NDST4: variants seen among roughly 807,000 people sequenced by gnomAD.
The protein encoded by NDST4 is N-heparan sulfate sulfotransferase 4.
Under a neutral mutation model 100.8 loss-of-function variants are expected in NDST4, and 63 were observed. That is an observed-to-expected ratio of 0.62 (90% CI 0.51 to 0.77). The LOEUF is 0.77. Ranked by LOEUF, NDST4 falls within the 30% of genes least tolerant of loss-of-function variation. NDST4 has a pLI of 0.00. For missense variants in NDST4, 943 were observed against 1,018.4 expected, an observed-to-expected ratio of 0.93 and a Z score of 1.01; for synonymous variants, 377 against 361.8, an observed-to-expected ratio of 1.04 and a Z score of -0.48.
intron 6 of NDST4, among the ~76,000 whole-genome samples, chr4:114,932,953 C>T (rs1213063278): frequency 6.6e-6 from 1 of 151,988 alleles, no homozygotes; most frequent in Non-Finnish European, 1.5e-5. Context: ...GACTTTTTCA[C>T]AGAAATATAA....
intron 11 of NDST4, among the ~76,000 whole-genome samples, chr4:114,834,866 A>G (rs1723277573): frequency 6.6e-6 from 1 of 152,026 alleles, no homozygotes; most frequent in South Asian, 2.1e-4. Context: ...TAATTTATCC[A>G]TTTCTTCTAG....
intron 2 of NDST4, among the ~76,000 whole-genome samples, chr4:115,009,816 A>G (rs1332708830): frequency 2.8e-5 from 2 of 70,368 alleles, no homozygotes; most frequent in South Asian, 6.8e-4. Context: ...CAGAATCTAC[A>G]ATGAACGCAA....
rs150311640 is a variant in NDST4 at position 114,989,141 on chromosome 4, A to G, written c.979-11867T>C. On this transcript the variant is annotated intron_variant, in intron 2 of 13. Transcript: ENST00000264363. ...TAATCTAATAAACACCTGCTAGTCT[A>G]CCAAGTGATTTTCTGTAGATGAAGG... 2.3e-4 allele frequency among the ~76,000 whole-genome samples: 35 copies of G among 152,330 alleles called. No homozygotes were observed. In the East Asian group the frequency reaches 3.5e-3, roughly 15 times the overall value.
chr4:115,038,920 C>T (rs746079110), intron 2 of NDST4, among the ~76,000 whole-genome samples: 9 of 152,038 alleles, frequency 5.9e-5, no homozygotes, highest in East Asian at 1.9e-4. Context: ...GTCAAGGCCA[C>T]GGTGAGCTGT....
At chr4:114,861,283 C>A (rs1723912501) in intron 7 of NDST4, among the ~76,000 whole-genome samples, 1 of 152,146 alleles carries the variant, frequency 6.6e-6, no homozygotes, top group South Asian at 2.1e-4. Context: ...AGCAATTTTC[C>A]TAAATTATCT....
chr4:115,015,852 G>T (rs1182085837), intron 2 of NDST4, among the ~76,000 whole-genome samples: 1 of 151,992 alleles, frequency 6.6e-6, no homozygotes, highest in Non-Finnish European at 1.5e-5. Flanking sequence ...TGCACAGTCT[G>T]CCAGAAGCAG....
intron 2 of NDST4, among the ~76,000 whole-genome samples, chr4:115,069,467 A>T (rs1729024899): frequency 6.6e-6 from 1 of 152,224 alleles, no homozygotes; most frequent in Non-Finnish European, 1.5e-5. Flanking sequence ...GAAAAAAACA[A>T]ACAACCCATT....
At chr4:114,837,685 A>G (rs2126182458) in intron 11 of NDST4, among the ~76,000 whole-genome samples, 1 of 152,360 alleles carries the variant, frequency 6.6e-6, no homozygotes, top group Non-Finnish European at 1.5e-5. Flanking sequence ...CTCAAGATGG[A>G]TTAAAGATTT....
At chr4:114,927,160 T>C (rs1725402096) in intron 6 of NDST4, among the ~76,000 whole-genome samples, 1 of 152,024 alleles carries the variant, frequency 6.6e-6, no homozygotes, top group Non-Finnish European at 1.5e-5. Flanking sequence ...TCCGATCTTA[T>C]AATTATAGAT....
At chr4:115,073,866 T>C (rs1050240762) in intron 2 of NDST4, among the ~76,000 whole-genome samples, 3 of 151,974 alleles carry the variant, frequency 2.0e-5, no homozygotes, top group Non-Finnish European at 4.4e-5. Flanking sequence ...TATCTAAACA[T>C]TTCATTATTT....
Position 115,036,023 on chromosome 4 carries a change from T to A in NDST4, c.978+40036A>T, listed in dbSNP as rs78766565. ...GGGACTCTAAGCTTTTGAGTACTTATCTTTGGAAATAAAAATTCAAATGAA... is the reference window on the plus strand; with the variant it reads ...GGGACTCTAAGCTTTTGAGTACTTAACTTTGGAAATAAAAATTCAAATGAA... On this transcript the variant is annotated intron_variant, in intron 2 of 13. Coordinates refer to ENST00000264363, the MANE Select transcript of NDST4 (RefSeq NM_022569.3). Among the ~76,000 whole-genome samples the A allele has an allele frequency of 3.9e-5, 6 of 152,132 alleles. No homozygotes were observed. In the East Asian group the frequency reaches 1.2e-3, roughly 29 times the overall value.
At chr4:114,906,935 ACT>A (rs971032883) in intron 6 of NDST4, among the ~76,000 whole-genome samples, 12 of 151,980 alleles carry the variant, frequency 7.9e-5, no homozygotes, top group African/African-American at 2.4e-4. Flanking sequence ...AAAAGCAATA[ACT>A]CTATGTTCTT....
chr4:115,104,716 AAT>A (rs1729802758), intron 1 of NDST4, among the ~76,000 whole-genome samples: 2 of 152,230 alleles, frequency 1.3e-5, no homozygotes, highest in South Asian at 4.1e-4. Context: ...AGTTAGATTC[AAT>A]GTTATTAATA....
intron 1 of NDST4, among the ~76,000 whole-genome samples, chr4:115,099,744 A>G (rs1729692645): frequency 6.6e-6 from 1 of 152,180 alleles, no homozygotes. Flanking sequence ...CCACTTTGCA[A>G]GACAATTTGG....
chr4:115,099,099 T>G (rs1214145990), intron 1 of NDST4, among the ~76,000 whole-genome samples: 1 of 152,208 alleles, frequency 6.6e-6, no homozygotes, highest in Admixed American at 6.6e-5. Flanking sequence ...AACATCCACA[T>G]GCAGAAACAG....
At position 114,873,373 on chromosome 4, in the gene NDST4, A is replaced by C. The variant is rs145759263; in HGVS notation, c.1537-2423T>G. Among the ~76,000 whole-genome samples, 132 of 151,894 alleles carry C rather than the reference A, an allele frequency of 8.7e-4. 1 individual carries two copies. Among genetic ancestry groups the C allele is most frequent in the African/African-American group, 2.9e-3 (121 of 41,540 alleles). Reference sequence around the variant, plus strand: ...TATTAGTTGACAATGATTTTAATTGAGATTCATATGGAATCTCAAGTAAAA... The same window carrying C: ...TATTAGTTGACAATGATTTTAATTGCGATTCATATGGAATCTCAAGTAAAA... On this transcript the variant is annotated intron_variant, in intron 6 of 13. Coordinates refer to ENST00000264363, the MANE Select transcript of NDST4 (RefSeq NM_022569.3).
intron 2 of NDST4, among the ~76,000 whole-genome samples, chr4:115,066,641 C>A (rs913678311): frequency 6.6e-6 from 1 of 152,122 alleles, no homozygotes; most frequent in Non-Finnish European, 1.5e-5. Context: ...ATAAACCATT[C>A]TTATTATAAG....
At chr4:115,067,517 T>G (rs1728975707) in intron 2 of NDST4, among the ~76,000 whole-genome samples, 2 of 147,672 alleles carry the variant, frequency 1.4e-5, no homozygotes, top group South Asian at 2.1e-4. Context: ...AATATTGAGG[T>G]TTTTTTTTTC....
chr4:114,865,356 C>G (rs1724005803), intron 7 of NDST4, among the ~76,000 whole-genome samples: 1 of 152,174 alleles, frequency 6.6e-6, no homozygotes, highest in Admixed American at 6.6e-5. Flanking sequence ...AGCCACTGCA[C>G]CCAGCCAGCT....
Sources: allele counts gnomAD v4.1 joint callset (sites outside exome capture counted in the v4.1 genomes callset), GRCh38; gene constraint gnomAD v4.1.1; transcripts MANE v1.5; gene names NCBI Gene and HGNC (gene_info 2026-07-23, HGNC 2026-07-21).